Variants in DPH5 observed in about 807,000 individuals in gnomAD.
DPH5 encodes the protein diphthamide biosynthesis 5.
In DPH5, 31 loss-of-function variants were observed where a neutral mutation model predicts 31.6. The observed-to-expected ratio is 0.98, with a 90% CI of 0.74 to 1.32. The LOEUF is 1.32. Ranked by LOEUF, DPH5 falls within the 40% of genes most tolerant of loss-of-function variation. The probability of loss-of-function intolerance (pLI) is 0.00; values close to 1 mark genes in which losing one functional copy is unlikely to be tolerated. For missense variants in DPH5, 309 were observed against 335.7 expected (o/e 0.92, Z 0.62); for synonymous variants, 120 against 115.0 (o/e 1.04, Z -0.28).
chr1:101,004,728 A>G (rs954332510), intron 4 of DPH5, among the ~76,000 whole-genome samples: 2 of 152,200 alleles, frequency 1.3e-5, no homozygotes, highest in Admixed American at 1.3e-4. Flanking sequence ...CATTTCCCCC[A>G]CTAAGAGGGC....
intron 3 of DPH5, among the ~76,000 whole-genome samples, chr1:101,014,020 C>T (rs1314089640): frequency 6.6e-6 from 1 of 152,150 alleles, no homozygotes; most frequent in African/African-American, 2.4e-5. Context: ...TGCTGAGTTG[C>T]TACTGTAACA....
intron 4 of DPH5, among the ~76,000 whole-genome samples, chr1:101,006,510 CTTAGA>C (rs1478158354): frequency 6.6e-6 from 1 of 151,978 alleles, no homozygotes; most frequent in Non-Finnish European, 1.5e-5. Flanking sequence ...ATAGAAAGAG[CTTAGA>C]TTATTTTCTT....
At chr1:100,992,552 T>C (rs1558031018) in intron 7 of DPH5, 85 bp downstream of exon 7, 4 of 903,134 alleles carry the variant, frequency 4.4e-6, no homozygotes, top group East Asian at 2.5e-5. Flanking sequence ...CTTGCTTCCA[T>C]AGTGGTATGA....
intron 2 of DPH5, among the ~76,000 whole-genome samples, chr1:101,023,834 A>C (rs1480257528): frequency 6.6e-6 from 1 of 152,184 alleles, no homozygotes; most frequent in Non-Finnish European, 1.5e-5. Context: ...TTTTTACCCC[A>C]TTTAAAAAAG....
intron 6 of DPH5, among the ~76,000 whole-genome samples, chr1:100,993,335 A>C (rs918436240): frequency 6.6e-6 from 1 of 151,482 alleles, no homozygotes; most frequent in African/African-American, 2.4e-5. Flanking sequence ...GGTGGATCAC[A>C]AAGTCAGGAG....
At chr1:100,997,517 C>T (rs1399520286) in intron 5 of DPH5, among the ~76,000 whole-genome samples, 4 of 140,636 alleles carry the variant, frequency 2.8e-5, no homozygotes, top group African/African-American at 1.0e-4. Context: ...AGGCACCTGC[C>T]ACCACGCCCG....
intron 4 of DPH5, among the ~76,000 whole-genome samples, chr1:101,009,350 A>G (rs1377027461): frequency 6.6e-6 from 1 of 152,238 alleles, no homozygotes; most frequent in African/African-American, 2.4e-5. Flanking sequence ...CAGTAGTAAT[A>G]GAAGAATCCA....
intron 5 of DPH5, among the ~76,000 whole-genome samples, chr1:101,001,097 T>C (rs947734963): frequency 6.6e-5 from 10 of 152,190 alleles, no homozygotes; most frequent in Admixed American, 6.6e-4. Flanking sequence ...TACTGCAGTA[T>C]TCAAAGAACC....
At chr1:100,996,504 T>C (rs1413934329) in intron 5 of DPH5, among the ~76,000 whole-genome samples, 3 of 152,214 alleles carry the variant, frequency 2.0e-5, no homozygotes, top group Non-Finnish European at 4.4e-5. Flanking sequence ...TATTCCTCTC[T>C]ATTTCTACTT....
chr1:101,021,991 A>G (rs1021549285), intron 2 of DPH5, among the ~76,000 whole-genome samples: 3 of 152,160 alleles, frequency 2.0e-5, no homozygotes, highest in Non-Finnish European at 4.4e-5. Context: ...TAATATCCCA[A>G]AGGAGGCGGA....
At chr1:100,993,310 T>A (rs1039709660) in intron 6 of DPH5, among the ~76,000 whole-genome samples, 8 of 151,730 alleles carry the variant, frequency 5.3e-5, no homozygotes, top group Non-Finnish European at 1.0e-4. Context: ...CCCAGCACTT[T>A]GGGAGGCAGA....
chr1:100,998,124 C>G (rs1658535017), intron 5 of DPH5, among the ~76,000 whole-genome samples: 1 of 152,180 alleles, frequency 6.6e-6, no homozygotes, highest in South Asian at 2.1e-4. Flanking sequence ...AAACATCATA[C>G]TAGCTGATTG....
intron 3 of DPH5, among the ~76,000 whole-genome samples, chr1:101,015,367 G>T (rs1367970210): frequency 6.6e-6 from 1 of 152,208 alleles, no homozygotes; most frequent in Non-Finnish European, 1.5e-5. Context: ...CAAGTGCATT[G>T]TCAATGGCAA....
intron 4 of DPH5, among the ~76,000 whole-genome samples, chr1:101,008,412 C>T (rs1037992149): frequency 6.6e-6 from 1 of 152,184 alleles, no homozygotes; most frequent in African/African-American, 2.4e-5. Flanking sequence ...ACCACATACC[C>T]TTACAGTAAA....
chr1:100,998,509 A>G (rs1658575216), intron 5 of DPH5, among the ~76,000 whole-genome samples: 1 of 4,410 alleles, frequency 2.3e-4, no homozygotes, highest in Non-Finnish European at 7.5e-3. Flanking sequence ...CCTTATCTTA[A>G]AAAAAAAAAA....
At chr1:101,009,463 A>G (rs1659476291) in intron 4 of DPH5, among the ~76,000 whole-genome samples, 1 of 152,162 alleles carries the variant, frequency 6.6e-6, no homozygotes, top group Admixed American at 6.5e-5. Flanking sequence ...CTTTCCTAGG[A>G]CTATCAGTAA....
chr1:101,016,226 C>T (rs1295700158), intron 3 of DPH5, among the ~76,000 whole-genome samples: 1 of 151,500 alleles, frequency 6.6e-6, no homozygotes, highest in Non-Finnish European at 1.5e-5. Context: ...TGGTGGCAGG[C>T]GCCTGTAGTC....
intron 3 of DPH5, among the ~76,000 whole-genome samples, chr1:101,017,625 C>T (rs921236585): frequency 6.6e-6 from 1 of 152,168 alleles, no homozygotes; most frequent in African/African-American, 2.4e-5. Context: ...GTCTGAGAAA[C>T]CACATGCAAA....
intron 3 of DPH5, among the ~76,000 whole-genome samples, chr1:101,017,716 A>T (rs932519751): frequency 1.3e-5 from 2 of 152,258 alleles, no homozygotes; most frequent in Admixed American, 6.5e-5. Flanking sequence ...TCAGATATAT[A>T]TTAACAAATT....
Sources: allele counts gnomAD v4.1 joint callset (sites outside exome capture counted in the v4.1 genomes callset), GRCh38; gene constraint gnomAD v4.1.1; transcripts MANE v1.5; gene names NCBI Gene and HGNC (gene_info 2026-07-23, HGNC 2026-07-21).